The following GLB1 variants were observed in gnomAD, a reference collection of about 807,000 sequenced individuals.
GLB1 encodes the protein beta-galactosidase.
A neutral mutation model predicts 74.0 loss-of-function variants in GLB1; 56 were observed. The observed-to-expected ratio is 0.76, with a 90% confidence interval of 0.61 to 0.94. The LOEUF is 0.94. Ranked by LOEUF, GLB1 falls within the 40% of genes least tolerant of loss-of-function variation. GLB1 has a pLI of 0.00. For synonymous variants in GLB1, 323 were observed against 323.6 expected, an observed-to-expected ratio of 1.00 and a Z score of 0.02; for missense variants, 787 against 845.5, an observed-to-expected ratio of 0.93 and a Z score of 0.86.
At position 33,093,272 on chromosome 3, in the gene GLB1, G is replaced by A. The variant is rs772747456; in HGVS notation, c.75+3739C>T. Reference sequence around the variant, plus strand: ...CACCACCACGTTGGGCCCGTGTGGCGGAAATCTTCACGTTCTCATTATGAA... The same window carrying A: ...CACCACCACGTTGGGCCCGTGTGGCAGAAATCTTCACGTTCTCATTATGAA... On this transcript the variant is annotated intron_variant, in intron 1 of 15. Coordinates refer to ENST00000307363, the MANE Select transcript of GLB1 (RefSeq NM_000404.4). The surrounding 1 kb of genome is among the most constrained non-coding windows in gnomAD (Gnocchi z 6.0). 1.5e-5 allele frequency: 25 copies of A among 1,613,940 alleles called. No homozygotes were observed. Among genetic ancestry groups the A allele is most frequent in the African/African-American group, 2.7e-5 (2 of 74,884 alleles).
intron 11 of GLB1, 120 bp downstream of exon 11, chr3:33,024,131 A>C (rs1471056058): frequency 1.7e-6 from 2 of 1,198,926 alleles, no homozygotes; most frequent in African/African-American, 1.5e-5. Flanking sequence ...GCAGAAAACA[A>C]ATTCGCAGAA....
chr3:32,985,104 CAAAAAAAAAA>C, the GLB1 span, among the ~76,000 whole-genome samples: 2 of 61,970 alleles, frequency 3.2e-5, no homozygotes, highest in Admixed American at 3.5e-4. Context: ...AACTCTGTCT[CAAAAAAAAAA>C]AAAAAAAAAA....
At chr3:32,985,061 T>C in the GLB1 span, among the ~76,000 whole-genome samples, 1 of 140,506 alleles carries the variant, frequency 7.1e-6, no homozygotes, top group South Asian at 2.2e-4. Flanking sequence ...GCTGTGTTCA[T>C]GCCACTGCAC....
At chr3:33,064,661 C>G (rs1271257585) in intron 5 of GLB1, among the ~76,000 whole-genome samples, 1 of 149,978 alleles carries the variant, frequency 6.7e-6, no homozygotes, top group Non-Finnish European at 1.5e-5. Context: ...CCTGTAATCC[C>G]AGCTACATGG....
chr3:33,063,693 G>T (rs2125540712), intron 5 of GLB1, among the ~76,000 whole-genome samples: 2 of 152,342 alleles, frequency 1.3e-5, no homozygotes, highest in East Asian at 3.9e-4. Context: ...GTTTGCACCT[G>T]AGGCCAGAAG....
intron 1 of GLB1, among the ~76,000 whole-genome samples, chr3:33,074,023 C>CAA (rs61415844): frequency 0.087 from 7,104 of 81,530 alleles, 836 homozygotes; most frequent in African/African-American, 0.27. Context: ...GACATTGTCT[C>CAA]AAAAAAAAAA....
downstream of GLB1, among the ~76,000 whole-genome samples, chr3:32,995,345 C>T (rs1386208625): frequency 6.6e-6 from 1 of 152,002 alleles, no homozygotes; most frequent in African/African-American, 2.4e-5. Context: ...GGCCATGGTT[C>T]TTGAGTATCA....
At chr3:33,051,649 A>T in intron 9 of GLB1, 109 bp downstream of exon 9, 2 of 1,424,950 alleles carry the variant, frequency 1.4e-6, no homozygotes, top group Non-Finnish European at 1.9e-6. Flanking sequence ...AATTTAGGAG[A>T]GGATAAACAA....
chr3:33,035,636 G>A (rs778668520), intron 10 of GLB1, among the ~76,000 whole-genome samples: 1 of 152,094 alleles, frequency 6.6e-6, no homozygotes, highest in Admixed American at 6.5e-5. Context: ...GATACAATTA[G>A]AAGTCAGTGC....
chr3:32,998,044 T>G (rs948364436), intron 15 of GLB1, among the ~76,000 whole-genome samples: 1 of 152,226 alleles, frequency 6.6e-6, no homozygotes, highest in Non-Finnish European at 1.5e-5. Flanking sequence ...AGTTAGGGTG[T>G]GGACTCCATG....
At chr3:33,072,947 C>T (rs1466840730) in intron 1 of GLB1, among the ~76,000 whole-genome samples, 1 of 152,102 alleles carries the variant, frequency 6.6e-6, no homozygotes, top group African/African-American at 2.4e-5. Context: ...TAAGGCTTAG[C>T]TTCTAGAGGC....
At chr3:32,964,608 T>A in the GLB1 span, among the ~76,000 whole-genome samples, 1 of 152,228 alleles carries the variant, frequency 6.6e-6, no homozygotes, top group South Asian at 2.1e-4. Context: ...GATGTCTAGG[T>A]ACAAATGCCA....
chr3:33,031,664 T>A (rs1255612477), intron 10 of GLB1, among the ~76,000 whole-genome samples: 36 of 119,304 alleles, frequency 3.0e-4, no homozygotes, highest in African/African-American at 1.1e-3. Context: ...TATATATATA[T>A]ATATATATAT....
At chr3:33,049,155 C>T (rs891588497) in intron 9 of GLB1, among the ~76,000 whole-genome samples, 5 of 151,970 alleles carry the variant, frequency 3.3e-5, no homozygotes, top group African/African-American at 9.7e-5. Flanking sequence ...GATGATTGGT[C>T]CCGATCCCAT....
At chr3:33,030,545 A>G in intron 10 of GLB1, 2 of 985,452 alleles carry the variant, frequency 2.0e-6, no homozygotes, top group Non-Finnish European at 2.4e-6. Context: ...TATCAAGCCA[A>G]TGTCATTCCA....
intron 9 of GLB1, among the ~76,000 whole-genome samples, chr3:33,049,277 A>G (rs183864940): frequency 5.1e-4 from 77 of 152,204 alleles, no homozygotes; most frequent in African/African-American, 1.7e-3. Flanking sequence ...TCAGTGACCA[A>G]CCTTGGCACA....
At chr3:33,039,263 C>T (rs1698405768) in intron 10 of GLB1, among the ~76,000 whole-genome samples, 1 of 143,896 alleles carries the variant, frequency 6.9e-6, no homozygotes, top group African/African-American at 2.6e-5. Flanking sequence ...GCACTCCAGC[C>T]TGGGCAACAG....
chr3:33,096,992 C>T lies in GLB1; in HGVS notation c.75+19G>A, dbSNP rs1459812219. Reference sequence around the variant, plus strand: ...GTCCCCTAGCAATGCCTCCCCGTACCCGGGTCCCGCAGACTTACGCGCAAG... The same window carrying T: ...GTCCCCTAGCAATGCCTCCCCGTACTCGGGTCCCGCAGACTTACGCGCAAG... On this transcript the variant is annotated intron_variant, in intron 1 of 15. Coordinates refer to ENST00000307363, the MANE Select transcript of GLB1 (RefSeq NM_000404.4). 2 of 1,610,268 alleles carry T rather than the reference C, an allele frequency of 1.2e-6. No homozygotes were observed. Among genetic ancestry groups the T allele is most frequent in the Non-Finnish European group, 1.7e-6 (2 of 1,178,310 alleles).
At position 33,057,958 on chromosome 3, in the gene GLB1, C is replaced by T. The variant is rs1382418236; in HGVS notation, c.733+131G>A. The T allele has an allele frequency of 5.4e-5, 67 of 1,237,638 alleles. 1 individual carries two copies. Among genetic ancestry groups the T allele is most frequent in the Non-Finnish European group, 7.4e-5 (64 of 868,198 alleles). The allele number at this position is 1,237,638 out of a possible 1,614,324, so 76.7% of individuals were successfully genotyped here. ...GAGGGGTGCAAGTATTCTATTCTAC[C>T]TGTTCCTTGAAAAATGAAAACATGA... On this transcript the variant is annotated intron_variant, in intron 6 of 15. Transcript: ENST00000307363.
Sources: gnomAD v4.1 joint callset for allele counts (sites outside exome capture counted in the v4.1 genomes callset) on GRCh38, gnomAD v4.1.1 for gene constraint, Gnocchi (gnomAD v3.1) non-coding constraint, MANE v1.5 for transcripts, NCBI Gene and HGNC (gene_info 2026-07-23, HGNC 2026-07-21) for gene names.